KCTD8: variants seen among roughly 807,000 people sequenced by gnomAD.
The protein encoded by KCTD8 is BTB/POZ domain-containing protein KCTD8.
A neutral mutation model predicts 31.5 loss-of-function variants in KCTD8; 27 were observed. The observed-to-expected ratio is 0.86, with a 90% CI of 0.63 to 1.18. The LOEUF (loss-of-function observed/expected upper bound fraction) is 1.18, where lower values mean the gene tolerates loss of function less well. KCTD8 is among the 50% of genes most tolerant of loss of function. The pLI is 0.00. For synonymous variants in KCTD8, 290 were observed against 280.0 expected (o/e 1.04, Z -0.36); for missense variants, 658 against 647.7 (o/e 1.02, Z -0.17).
chr4:44,314,624 C>T (rs923833721), intron 1 of KCTD8, among the ~76,000 whole-genome samples: 2 of 151,986 alleles, frequency 1.3e-5, no homozygotes, highest in African/African-American at 4.8e-5. Flanking sequence ...TCTCACTGGA[C>T]ATTTTCTATG....
At chr4:44,338,203 C>T (rs1718806418) in intron 1 of KCTD8, among the ~76,000 whole-genome samples, 1 of 151,868 alleles carries the variant, frequency 6.6e-6, no homozygotes, top group South Asian at 2.1e-4. Flanking sequence ...TTATGCTTAT[C>T]TCAATTTTCA....
intron 1 of KCTD8, among the ~76,000 whole-genome samples, chr4:44,229,806 T>A (rs895300520): frequency 6.6e-6 from 1 of 151,228 alleles, no homozygotes; most frequent in African/African-American, 2.4e-5. Context: ...TACAAACAAC[T>A]GCCTTAAGGA....
At chr4:44,351,192 C>T (rs1400018770) in intron 1 of KCTD8, among the ~76,000 whole-genome samples, 1 of 151,944 alleles carries the variant, frequency 6.6e-6, no homozygotes, top group African/African-American at 2.4e-5. Context: ...CCCTAGAATG[C>T]AAGTTTAATG....
intron 1 of KCTD8, among the ~76,000 whole-genome samples, chr4:44,434,709 CA>C (rs1721600120): frequency 6.6e-6 from 1 of 151,926 alleles, no homozygotes; most frequent in Non-Finnish European, 1.5e-5. Flanking sequence ...GCCTACCTAA[CA>C]TACCATCTTT....
intron 1 of KCTD8, among the ~76,000 whole-genome samples, chr4:44,439,904 ATTTATTTATTTATTTATT>A (rs1721774767): frequency 9.3e-6 from 1 of 106,988 alleles, no homozygotes; most frequent in East Asian, 5.3e-4. Flanking sequence ...ATTTATTTTT[ATTTATTTATTTATTTATT>A]TATTTATTTA....
At chr4:44,334,975 C>A (rs2109414797) in intron 1 of KCTD8, among the ~76,000 whole-genome samples, 1 of 152,050 alleles carries the variant, frequency 6.6e-6, no homozygotes, top group Admixed American at 6.6e-5. Flanking sequence ...GACGAAATTT[C>A]AATTAGACAA....
chr4:44,319,013 G>A (rs572834626), intron 1 of KCTD8, among the ~76,000 whole-genome samples: 5 of 152,174 alleles, frequency 3.3e-5, no homozygotes, highest in Admixed American at 1.3e-4. Context: ...TGAAGGATGC[G>A]GACGCAATCT....
At chr4:44,281,816 A>G (rs1716913001) in intron 1 of KCTD8, among the ~76,000 whole-genome samples, 1 of 152,086 alleles carries the variant, frequency 6.6e-6, no homozygotes, top group Admixed American at 6.6e-5. Context: ...CTCATAAAAT[A>G]ATTAAAACCA....
chr4:44,307,799 C>T (rs1012888335), intron 1 of KCTD8, among the ~76,000 whole-genome samples: 3 of 151,882 alleles, frequency 2.0e-5, no homozygotes, highest in Admixed American at 2.0e-4. Context: ...GTACACATAA[C>T]TCTTTTTCCG....
chr4:44,324,914 T>A, intron 1 of KCTD8, among the ~76,000 whole-genome samples: 1 of 152,048 alleles, frequency 6.6e-6, no homozygotes, highest in East Asian at 1.9e-4. Flanking sequence ...ATTGTGATTT[T>A]ATGTAACTGT....
At chr4:44,440,143 G>C (rs948711086) in intron 1 of KCTD8, among the ~76,000 whole-genome samples, 4 of 151,846 alleles carry the variant, frequency 2.6e-5, no homozygotes, top group Admixed American at 2.6e-4. Context: ...ATGTTGGCCA[G>C]GCTGGTCTTG....
intron 1 of KCTD8, among the ~76,000 whole-genome samples, chr4:44,305,348 A>T (rs1254960536): frequency 1.2e-4 from 18 of 151,864 alleles, no homozygotes; most frequent in East Asian, 1.2e-3. Context: ...ATTACAAAAA[A>T]ATTTTACAAG....
chr4:44,277,807 C>G lies in KCTD8; in HGVS notation c.962-102557G>C, dbSNP rs139422288. On this transcript the variant is annotated intron_variant, in intron 1 of 1. Coordinates refer to ENST00000360029, the MANE Select transcript of KCTD8 (RefSeq NM_198353.3). ...AGATAAAGAATCTGAGGTTTGTAATCATCCAACCAGTAAGTTGTGGAATTG... is the reference window on the plus strand; with the variant it reads ...AGATAAAGAATCTGAGGTTTGTAATGATCCAACCAGTAAGTTGTGGAATTG... 5.4e-3 allele frequency among the ~76,000 whole-genome samples: 817 copies of G among 151,956 alleles called. 12 individuals are homozygous for G. Among genetic ancestry groups the G allele is most frequent in the African/African-American group, 0.018 (760 of 41,506 alleles).
intron 1 of KCTD8, among the ~76,000 whole-genome samples, chr4:44,381,785 G>A (rs549908985): frequency 2.6e-5 from 4 of 151,904 alleles, no homozygotes; most frequent in East Asian, 3.9e-4. Context: ...TCCTGTTCTC[G>A]CCATATGATG....
chr4:44,176,032 A>G (rs1436957163), intron 1 of KCTD8, among the ~76,000 whole-genome samples: 3 of 152,204 alleles, frequency 2.0e-5, no homozygotes, highest in African/African-American at 7.2e-5. Context: ...AAAAAGAGGC[A>G]TATTTTATTC....
chr4:44,253,642 C>CCAGT (rs1373568466), intron 1 of KCTD8, among the ~76,000 whole-genome samples: 2 of 151,642 alleles, frequency 1.3e-5, no homozygotes, highest in African/African-American at 4.8e-5. Flanking sequence ...TAGAGAGATC[C>CCAGT]CAGTCTTTCT....
chr4:44,412,267 C>T (rs1273126048), intron 1 of KCTD8, among the ~76,000 whole-genome samples: 4 of 152,122 alleles, frequency 2.6e-5, no homozygotes, highest in Admixed American at 6.5e-5. Flanking sequence ...CTCTAACCTA[C>T]AAGACTACTA....
chr4:44,396,471 A>C (rs1407623944), intron 1 of KCTD8, among the ~76,000 whole-genome samples: 1 of 149,906 alleles, frequency 6.7e-6, no homozygotes, highest in Non-Finnish European at 1.5e-5. Context: ...TTTTTCTTTT[A>C]ATTCTATCAC....
chr4:44,200,432 A>G (rs1714106058), intron 1 of KCTD8, among the ~76,000 whole-genome samples: 1 of 152,088 alleles, frequency 6.6e-6, no homozygotes, highest in South Asian at 2.1e-4. Flanking sequence ...AACAGAATCC[A>G]GCAGCACAAT....
Sources: allele counts gnomAD v4.1 joint callset (sites outside exome capture counted in the v4.1 genomes callset), GRCh38; gene constraint gnomAD v4.1.1; transcripts MANE v1.5; gene names NCBI Gene and HGNC (gene_info 2026-07-23, HGNC 2026-07-21).